Variants in SNX29 observed in about 807,000 individuals in gnomAD.
SNX29 encodes sorting nexin 29.
Under a neutral mutation model 102.1 loss-of-function variants are expected in SNX29, and 78 were observed. The observed-to-expected ratio is 0.76, with a 90% CI of 0.64 to 0.92. The LOEUF is 0.92. SNX29 is among the 40% of genes least tolerant of loss of function. The probability of loss-of-function intolerance (pLI) is 0.00; values close to 1 mark genes in which losing one functional copy is unlikely to be tolerated. For synonymous variants in SNX29, 580 were observed against 414.5 expected (o/e 1.40, Z -4.85); for missense variants, 1,280 against 1,061.7 (o/e 1.21, Z -2.86).
intron 18 of SNX29, among the ~76,000 whole-genome samples, chr16:12,421,835 GCATCACCATCACCAGCCATC>G (rs1470084955): frequency 8.5e-5 from 12 of 140,938 alleles, no homozygotes; most frequent in Admixed American, 5.8e-4. Flanking sequence ...CACTAGCCAT[GCATCACCATCACCAGCCATC>G]CATCACCATC....
intron 20 of SNX29, among the ~76,000 whole-genome samples, chr16:12,536,221 G>A (rs1254931137): frequency 2.0e-5 from 3 of 152,134 alleles, no homozygotes; most frequent in South Asian, 2.1e-4. Context: ...AGTAAGAACA[G>A]GATTTCATGT....
intron 15 of SNX29, among the ~76,000 whole-genome samples, chr16:12,354,078 A>C (rs1484410235): frequency 6.6e-6 from 1 of 152,216 alleles, no homozygotes; most frequent in African/African-American, 2.4e-5. Flanking sequence ...GTGATCTCAC[A>C]TTCTCTCTTC....
At chr16:12,539,841 G>C (rs143847598) in intron 20 of SNX29, among the ~76,000 whole-genome samples, 1 of 151,786 alleles carries the variant, frequency 6.6e-6, no homozygotes, top group Non-Finnish European at 1.5e-5. Context: ...CTTTGGGGAA[G>C]TAAGTAAGTG....
chr16:12,544,677 C>T (rs148489678), intron 20 of SNX29, among the ~76,000 whole-genome samples: 18 of 152,262 alleles, frequency 1.2e-4, no homozygotes, highest in East Asian at 5.8e-4. Flanking sequence ...CCTTTGAGAG[C>T]GCTGTCACTC....
chr16:12,304,301 T>C (rs1329447433), intron 15 of SNX29, among the ~76,000 whole-genome samples: 3 of 152,150 alleles, frequency 2.0e-5, no homozygotes, highest in African/African-American at 7.2e-5. Flanking sequence ...GCTTTTTTGT[T>C]GTTGTTGCAC....
At chr16:12,415,254 C>T (rs898592130) in intron 18 of SNX29, among the ~76,000 whole-genome samples, 17 of 152,230 alleles carry the variant, frequency 1.1e-4, no homozygotes, top group African/African-American at 3.4e-4. Context: ...GCTGTACAAG[C>T]GCCACACTGT....
chr16:12,152,526 G>A (rs1053484596), intron 13 of SNX29, among the ~76,000 whole-genome samples: 7 of 152,272 alleles, frequency 4.6e-5, no homozygotes, highest in East Asian at 1.9e-4. Context: ...CCTGGAACGC[G>A]TTGCTTTCCT....
At position 12,052,031 on chromosome 16, in the gene SNX29, C is replaced by G. The variant is rs142950576; in HGVS notation, c.933C>G (p.Phe311Leu). Residue 311 changes from phenylalanine (F) to leucine (L), a missense_variant, in exon 8 of 21, where the codon TTC becomes TTG. Coordinates refer to ENST00000566228, the MANE Select transcript of SNX29 (RefSeq NM_032167.5). ...VNIMSAFESPFGPNSNGSQSS... is the reference protein window; with the variant it reads ...VNIMSAFESPLGPNSNGSQSS... ...TCATGTCCGCCTTTGAAAGCCCCTT[C>G]GGGCCTAACTCCAATGGAAGTCAGA... 1.2e-6 allele frequency: 2 copies of G among 1,613,858 alleles called. No individual in the cohort carries two copies. Among genetic ancestry groups the G allele is most frequent in the Non-Finnish European group, 1.7e-6 (2 of 1,179,880 alleles).
intron 20 of SNX29, among the ~76,000 whole-genome samples, chr16:12,527,829 T>C (rs210719): frequency 0.065 from 9,566 of 147,800 alleles, 595 homozygotes; most frequent in African/African-American, 0.17. Flanking sequence ...TCTTCTTCTT[T>C]TTTTTTTTTT....
chr16:12,163,875 G>A (rs1435749713), intron 13 of SNX29, among the ~76,000 whole-genome samples: 1 of 152,128 alleles, frequency 6.6e-6, no homozygotes, highest in Non-Finnish European at 1.5e-5. Context: ...GTGTAGGTGA[G>A]GAGAGGGTGT....
chr16:12,121,908 C>T (rs534999029), intron 11 of SNX29, among the ~76,000 whole-genome samples: 1 of 152,310 alleles, frequency 6.6e-6, no homozygotes, highest in African/African-American at 2.4e-5. Context: ...CTCTGCCTCC[C>T]GGGTTCAAGT....
At chr16:12,000,883 T>C (rs2056263548) in intron 2 of SNX29, among the ~76,000 whole-genome samples, 1 of 152,184 alleles carries the variant, frequency 6.6e-6, no homozygotes, top group Non-Finnish European at 1.5e-5. Context: ...TGCTCTTCTG[T>C]AACTGGGTCA....
intron 19 of SNX29, among the ~76,000 whole-genome samples, chr16:12,504,137 A>G (rs570564511): frequency 3.1e-4 from 47 of 152,202 alleles, no homozygotes; most frequent in African/African-American, 6.7e-4. Flanking sequence ...AACATTTCCT[A>G]TCGATGGAAT....
At chr16:12,435,876 TGA>T (rs1403891934) in intron 18 of SNX29, among the ~76,000 whole-genome samples, 3 of 152,174 alleles carry the variant, frequency 2.0e-5, no homozygotes, top group Non-Finnish European at 2.9e-5. Flanking sequence ...CAGGGCATCC[TGA>T]GAGAGGGGAT....
chr16:12,460,853 T>G (rs1361192826), intron 18 of SNX29, among the ~76,000 whole-genome samples: 6 of 152,074 alleles, frequency 3.9e-5, no homozygotes, highest in African/African-American at 1.4e-4. Flanking sequence ...TAGAGAGAAT[T>G]TCGCCATGTT....
intron 13 of SNX29, among the ~76,000 whole-genome samples, chr16:12,137,554 C>A (rs1372423624): frequency 7.9e-5 from 12 of 152,182 alleles, no homozygotes; most frequent in African/African-American, 2.9e-4. Context: ...GCCTTGGGAG[C>A]CCTGCTCAGA....
At chr16:12,470,557 C>T (rs1030263027) in intron 18 of SNX29, among the ~76,000 whole-genome samples, 3 of 152,112 alleles carry the variant, frequency 2.0e-5, no homozygotes, top group African/African-American at 7.2e-5. Context: ...GCCCGGGGAA[C>T]GCTTCCCGGG....
rs1567685602 is a variant in SNX29 at position 12,545,185 on chromosome 16, G to GTTT, written c.2318+20344_2318+20345insTTT. 7.9e-5 allele frequency among the ~76,000 whole-genome samples: 12 copies of GTTT among 152,272 alleles called. No homozygotes were observed. In the South Asian group the frequency reaches 2.5e-3, roughly 32 times the overall value. On this transcript the variant is annotated intron_variant, in intron 20 of 20. Coordinates refer to ENST00000566228, the MANE Select transcript of SNX29 (RefSeq NM_032167.5). ...TGCCAGCCGTCAGAGAAACAAATAT[G>GTTT]GTCAATACAAAAAAGGAAGGGGTGG...
At chr16:12,499,244 A>T (rs2088986847) in intron 19 of SNX29, among the ~76,000 whole-genome samples, 1 of 152,222 alleles carries the variant, frequency 6.6e-6, no homozygotes, top group African/African-American at 2.4e-5. Context: ...CAGGCAGGTC[A>T]TGCATTTCAC....
Sources: gnomAD v4.1 joint callset for allele counts (sites outside exome capture counted in the v4.1 genomes callset) on GRCh38, gnomAD v4.1.1 for gene constraint, MANE v1.5 for transcripts, NCBI Gene and HGNC (gene_info 2026-07-23, HGNC 2026-07-21) for gene names.